The following GUCD1 variants were observed in gnomAD, a reference collection of about 807,000 sequenced individuals.
The protein encoded by GUCD1 is guanylyl cyclase domain containing 1.
In GUCD1, 17 loss-of-function variants were observed where a neutral mutation model predicts 28.3. The ratio of observed to expected loss-of-function variants is 0.60; its 90% CI spans 0.41 to 0.90. The LOEUF (loss-of-function observed/expected upper bound fraction) is 0.90. GUCD1 is among the 40% of genes least tolerant of loss of function. The pLI, the probability that GUCD1 is intolerant of heterozygous loss-of-function variation, is 0.00. For missense variants in GUCD1, 279 were observed against 305.5 expected (o/e 0.91, Z 0.65); for synonymous variants, 129 against 123.3 (o/e 1.05, Z -0.30).
rs2044573827 is a variant in GUCD1 at position 24,540,764 on chromosome 22, C to G, written c.*2242G>C. On this transcript the variant is annotated 3_prime_UTR_variant, in exon 6 of 6. Coordinates refer to ENST00000435822, the MANE Select transcript of GUCD1 (RefSeq NM_001284254.2). ...ATGAGTCTTGAGAATGGGCAGCTTT[C>G]TCATTCATCTTTCAGGAAGGTGACC... 6.5e-6 allele frequency: 1 copy of G among 152,904 alleles called. No individual in the cohort carries two copies. The allele number at this position is 152,904 out of a possible 1,614,324, so 9.5% of individuals were successfully genotyped here. A position where few individuals can be genotyped will look rare whatever the true frequency, so the allele number is the denominator to read the frequency against.
chr22:24,554,928 G>A, intron 1 of GUCD1, 21 bp downstream of exon 1: 1 of 1,550,358 alleles, frequency 6.5e-7, no homozygotes, highest in East Asian at 2.5e-5. Flanking sequence ...GTGAAGACTG[G>A]GCCCACAGAG....
Position 24,543,200 on chromosome 22 carries a change from C to G in GUCD1, c.629-103G>C, listed in dbSNP as rs527912851. The G allele has an allele frequency of 9.0e-5, 73 of 808,740 alleles. No individual in the cohort carries two copies. The African/African-American group carries it at 9.7e-4, about 11-fold the overall frequency. The allele number at this position is 808,740 out of a possible 1,614,324, so 50.1% of individuals were successfully genotyped here. On this transcript the variant is annotated intron_variant, in intron 5 of 5. Coordinates refer to ENST00000435822, the MANE Select transcript of GUCD1 (RefSeq NM_001284254.2). ...GAGCTGAGTGAGGTCTGTTTCCCAT[C>G]CACATGGCCATTCCTCTCAACTCAA... is the stretch of plus-strand genomic sequence containing the variant.
At chr22:24,547,829 C>T in intron 3 of GUCD1, 79 bp downstream of exon 3, 3 of 1,487,396 alleles carry the variant, frequency 2.0e-6, no homozygotes, top group Non-Finnish European at 2.8e-6. Flanking sequence ...TGACTGTTCC[C>T]TCTTCCAACT....
At chr22:24,547,089 C>T (rs2044747218) in intron 3 of GUCD1, 84 bp from the exon 4 acceptor site, 9 of 1,084,824 alleles carry the variant, frequency 8.3e-6, no homozygotes, top group Non-Finnish European at 1.3e-5. Context: ...GAGCGTGTTA[C>T]AGAGGCAGAG....
upstream of GUCD1, chr22:24,555,814 G>C (rs1235261857): frequency 3.2e-6 from 5 of 1,547,238 alleles, no homozygotes; most frequent in East Asian, 1.2e-4. Flanking sequence ...GGCGGCCCCC[G>C]GGCCCAGTCA....
At chr22:24,548,328 T>C (rs1192232464) in intron 2 of GUCD1, among the ~76,000 whole-genome samples, 2 of 152,232 alleles carry the variant, frequency 1.3e-5, no homozygotes, top group South Asian at 2.1e-4. Flanking sequence ...GAGCAAGTCA[T>C]TGTCTTCTCT....
At chr22:24,548,176 C>T (rs1264304277) in intron 2 of GUCD1, 103 bp from the exon 3 acceptor site, 2 of 945,286 alleles carry the variant, frequency 2.1e-6, no homozygotes, top group East Asian at 2.6e-5. Context: ...GGTCCCATTC[C>T]CCAGAAGTCT....
At chr22:24,550,013 G>T (rs2044831669) in intron 1 of GUCD1, among the ~76,000 whole-genome samples, 1 of 152,226 alleles carries the variant, frequency 6.6e-6, no homozygotes, top group Non-Finnish European at 1.5e-5. Context: ...TAATATTCTT[G>T]TGAGCTCCAT....
At chr22:24,554,710 G>A (rs2095968058) in intron 1 of GUCD1, among the ~76,000 whole-genome samples, 1 of 152,228 alleles carries the variant, frequency 6.6e-6, no homozygotes, top group African/African-American at 2.4e-5. Context: ...TCCCAAGGCG[G>A]CTCCAGCAGG....
chr22:24,555,228 A>C, upstream of GUCD1: 1 of 1,272,776 alleles, frequency 7.9e-7, no homozygotes, highest in Non-Finnish European at 9.8e-7. Flanking sequence ...CTTTGATCTT[A>C]GAGGTCCCCA....
chr22:24,547,251 T>C (rs1294418948), intron 3 of GUCD1: 2 of 487,938 alleles, frequency 4.1e-6, no homozygotes, highest in South Asian at 2.0e-5. Flanking sequence ...GCAGCTGGGC[T>C]CAGGTCAGCT....
At chr22:24,554,696 G>A (rs929390209) in intron 1 of GUCD1, among the ~76,000 whole-genome samples, 21 of 152,346 alleles carry the variant, frequency 1.4e-4, no homozygotes, top group Middle Eastern at 3.4e-3. Context: ...CAAGGCATGG[G>A]AGCTCCCAAG....
At position 24,546,911 on chromosome 22, in the gene GUCD1, C is replaced by T. The variant is rs1440542173; in HGVS notation, c.386+3G>A. On this transcript the variant is annotated splice_donor_region_variant and intron_variant, in intron 4 of 5. Coordinates refer to ENST00000435822, the MANE Select transcript of GUCD1 (RefSeq NM_001284254.2). ...GGGCAGGTAGGAAAGTTGGGGGGCTCACCATTTCTCCACCAGCACCTTGCA... is the reference window on the plus strand; with the variant it reads ...GGGCAGGTAGGAAAGTTGGGGGGCTTACCATTTCTCCACCAGCACCTTGCA... The T allele has an allele frequency of 6.2e-7, 1 of 1,613,176 alleles. No individual in the cohort carries two copies. The highest frequency in any genetic ancestry group is 8.5e-7 in the Non-Finnish European group (1 of 1,179,520).
Position 24,548,907 on chromosome 22 carries a change from C to T in GUCD1, c.128+10G>A. On this transcript the variant is annotated intron_variant, in intron 2 of 5. Coordinates refer to ENST00000435822, the MANE Select transcript of GUCD1 (RefSeq NM_001284254.2). ...GAAGCACCTGGGCCCCCAGCCCTGGCCCCACTCACCGCAGCACCATCCTGG... is the reference window on the plus strand; with the variant it reads ...GAAGCACCTGGGCCCCCAGCCCTGGTCCCACTCACCGCAGCACCATCCTGG... 1 of 1,560,146 alleles carries T rather than the reference C, an allele frequency of 6.4e-7. No homozygotes were observed. The highest frequency in any genetic ancestry group is 2.3e-5 in the East Asian group (1 of 42,724).
At chr22:24,543,209 C>T (rs1258008125) in intron 5 of GUCD1, 112 bp from the exon 6 acceptor site, 1 of 761,386 alleles carries the variant, frequency 1.3e-6, no homozygotes, top group Non-Finnish European at 2.3e-6. Context: ...TCCACATGGC[C>T]ATTCCTCTCA....
At position 24,541,071 on chromosome 22, in the gene GUCD1, C is replaced by T. The variant is rs1418688036; in HGVS notation, c.*1935G>A. On this transcript the variant is annotated 3_prime_UTR_variant, in exon 6 of 6. Coordinates refer to ENST00000435822, the MANE Select transcript of GUCD1 (RefSeq NM_001284254.2). The stretch of plus-strand genomic sequence containing the variant: ...GCTGTGCATGGGTACTCCTGGGCCA[C>T]CTGGCATTAAGGCAATGGAGATGAG... 1 of 169,706 alleles carries T rather than the reference C, an allele frequency of 5.9e-6. No homozygotes were observed. The highest frequency in any genetic ancestry group is 1.5e-5 in the Non-Finnish European group (1 of 68,442). 10.5% of individuals were successfully genotyped at this position (169,706 alleles called of 1,614,324 possible). A position where few individuals can be genotyped will look rare whatever the true frequency, so the allele number is the denominator to read the frequency against.
intron 1 of GUCD1, among the ~76,000 whole-genome samples, chr22:24,550,697 G>A (rs185181411): frequency 6.6e-6 from 1 of 152,300 alleles, no homozygotes; most frequent in African/African-American, 2.4e-5. Flanking sequence ...CCACTCACTA[G>A]TCCTGGGATC....
intron 3 of GUCD1, chr22:24,547,218 G>A (rs1187806687): frequency 3.7e-6 from 2 of 542,152 alleles, no homozygotes; most frequent in African/African-American, 1.9e-5. Context: ...GAGGCATGAG[G>A]ATGATGCTTG....
At chr22:24,547,085 G>T in intron 3 of GUCD1, 80 bp from the exon 4 acceptor site, 1 of 1,128,392 alleles carries the variant, frequency 8.9e-7, no homozygotes, top group Non-Finnish European at 1.3e-6. Context: ...TAAAGAGCGT[G>T]TTACAGAGGC....
Sources: gnomAD v4.1 joint callset for allele counts (sites outside exome capture counted in the v4.1 genomes callset) on GRCh38, gnomAD v4.1.1 for gene constraint, MANE v1.5 for transcripts, NCBI Gene and HGNC (gene_info 2026-07-23, HGNC 2026-07-21) for gene names.